Variants in HAGH observed in about 807,000 individuals in gnomAD.
The protein encoded by HAGH is hydroxyacylglutathione hydrolase, also known as hydroxyacylglutathione hydrolase, mitochondrial.
Under a neutral mutation model 35.1 loss-of-function variants are expected in HAGH, and 29 were observed. The observed-to-expected ratio is 0.83, with a 90% CI of 0.62 to 1.13. HAGH has a LOEUF of 1.13. Among genes scored for constraint, HAGH ranks in the 50% most tolerant of loss-of-function variants. The pLI is 0.00. For synonymous variants in HAGH, 225 were observed against 176.1 expected, an observed-to-expected ratio of 1.28 and a Z score of -2.20; for missense variants, 478 against 419.6, an observed-to-expected ratio of 1.14 and a Z score of -1.22.
intron 3 of HAGH, among the ~76,000 whole-genome samples, chr16:1,821,202 C>T (rs1368637849): frequency 6.6e-6 from 1 of 152,206 alleles, no homozygotes; most frequent in Non-Finnish European, 1.5e-5. Context: ...CCTGCACGGA[C>T]ACCTCTGATG....
chr16:1,819,492 G>A (rs57323288), intron 4 of HAGH, among the ~76,000 whole-genome samples: 14,016 of 152,236 alleles, frequency 0.092, 787 homozygotes, highest in African/African-American at 0.16. Flanking sequence ...CACGCTCGCC[G>A]TCTGGCTAGG....
intron 7 of HAGH, among the ~76,000 whole-genome samples, chr16:1,814,928 T>TACACAC (rs758950346): frequency 3.9e-4 from 11 of 28,080 alleles, no homozygotes; most frequent in Non-Finnish European, 5.9e-4. Context: ...TATATATGTA[T>TACACAC]ATACACACAC....
At chr16:1,822,277 C>T in intron 3 of HAGH, 23 bp downstream of exon 3, 1 of 1,553,092 alleles carries the variant, frequency 6.4e-7, no homozygotes, top group Non-Finnish European at 8.9e-7. Context: ...GTCCCACACC[C>T]CCAGGTGAGA....
At chr16:1,823,064 G>A (rs1468612462) in intron 1 of HAGH, 27 bp from the exon 2 acceptor site, 7 of 1,609,408 alleles carry the variant, frequency 4.3e-6, no homozygotes, top group Non-Finnish European at 5.9e-6. Context: ...CAACTCAGCG[G>A]GCAGCCGCGC....
intron 1 of HAGH, among the ~76,000 whole-genome samples, chr16:1,825,122 G>C (rs999883171): frequency 1.4e-5 from 2 of 138,092 alleles, no homozygotes; most frequent in African/African-American, 2.8e-5. Context: ...TTCGAGACCA[G>C]CCTGACCAAT....
intron 7 of HAGH, chr16:1,810,837 CG>C (rs1362062552): frequency 6.6e-6 from 1 of 152,196 alleles, no homozygotes; most frequent in Non-Finnish European, 1.5e-5. Context: ...CTGCACCAAG[CG>C]GGGGTCTGGT....
chr16:1,819,285 C>A, intron 4 of HAGH, 62 bp from the exon 5 acceptor site: 1 of 1,081,624 alleles, frequency 9.2e-7, no homozygotes, highest in South Asian at 1.4e-5. Flanking sequence ...CTCCCGGGGT[C>A]ACGGCGCGCC....
In HAGH at chr16:1,822,428, A is replaced by G. The variant is rs989072102; in HGVS notation, c.250-64T>C. 1.4e-5 allele frequency: 17 copies of G among 1,230,748 alleles called. No individual in the cohort carries two copies. In the African/African-American group the frequency reaches 2.5e-4, roughly 18 times the overall value. 76.2% of individuals were successfully genotyped at this position (1,230,748 alleles called of 1,614,324 possible). A position where few individuals can be genotyped will look rare whatever the true frequency, so the allele number is the denominator to read the frequency against. ...TCCTAGGCCTGGCTTGCTGGCCTAT[A>G]TGGTAGGGTGCCCAGCAGAACCCAG... On this transcript the variant is annotated intron_variant, in intron 2 of 8. Coordinates refer to ENST00000397356, the MANE Select transcript of HAGH (RefSeq NM_005326.6).
intron 7 of HAGH, 67 bp from the exon 8 acceptor site, chr16:1,809,900 A>C: frequency 1.8e-5 from 21 of 1,198,134 alleles, no homozygotes; most frequent in Non-Finnish European, 2.6e-5. Context: ...ACGGAGGCTC[A>C]CGTCTGTGAT....
In HAGH at chr16:1,820,028, A is replaced by G. The variant is rs768039195; in HGVS notation, c.315-14T>C. 1 of 1,556,122 alleles carries G rather than the reference A, an allele frequency of 6.4e-7. No individual in the cohort carries two copies. The highest frequency in any genetic ancestry group is 1.4e-5 in the African/African-American group (1 of 72,172). On this transcript the variant is annotated splice_polypyrimidine_tract_variant and intron_variant, in intron 3 of 8. Transcript: ENST00000397356. ...CCAGCATGGTCCCTAGAAGTCAAACAGGAGACCTGGGCTGCCTGCTGAGCT... is the reference window on the plus strand; with the variant it reads ...CCAGCATGGTCCCTAGAAGTCAAACGGGAGACCTGGGCTGCCTGCTGAGCT...
In HAGH at chr16:1,820,034, C is replaced by A. The variant is rs1898079730; in HGVS notation, c.315-20G>T. The A allele has an allele frequency of 6.8e-7, 1 of 1,476,916 alleles. No individual in the cohort carries two copies. The highest frequency in any genetic ancestry group is 9.4e-7 in the Non-Finnish European group (1 of 1,060,648). The allele number at this position is 1,476,916 out of a possible 1,614,324, so 91.5% of individuals were successfully genotyped here. ...TGGTCCCTAGAAGTCAAACAGGAGA[C>A]CTGGGCTGCCTGCTGAGCTGAGGGG... On this transcript the variant is annotated intron_variant, in intron 3 of 8. Transcript: ENST00000397356.
At chr16:1,827,175 G>A (rs1898482489), upstream of HAGH, 1 of 1,545,562 alleles carries the variant, frequency 6.5e-7, no homozygotes, top group Admixed American at 1.8e-5. Flanking sequence ...GTCCTCTCCG[G>A]GATGCCGTAG....
intron 3 of HAGH, chr16:1,822,030 A>G (rs34743458): frequency 0.078 from 32,705 of 420,362 alleles, 1,686 homozygotes; most frequent in African/African-American, 0.16. Flanking sequence ...CAGGGCACAA[A>G]CCCGCATGGC....
At chr16:1,816,250 T>C (rs184833218) in intron 7 of HAGH, among the ~76,000 whole-genome samples, 2 of 151,384 alleles carry the variant, frequency 1.3e-5, no homozygotes, top group Admixed American at 1.3e-4. Flanking sequence ...ATGATTCATC[T>C]GATTTAGAGT....
At chr16:1,826,546 G>GGCCCCGCGCC in intron 1 of HAGH, 166 bp downstream of exon 1, 1 of 714,586 alleles carries the variant, frequency 1.4e-6, no homozygotes, top group African/African-American at 1.9e-5. Flanking sequence ...CCCGCTCCGC[G>GGCCCCGCGCC]CCAGCCTCAG....
intron 6 of HAGH, 84 bp from the exon 7 acceptor site, chr16:1,817,078 G>T: frequency 1.5e-6 from 2 of 1,334,208 alleles, no homozygotes; most frequent in Non-Finnish European, 2.2e-6. Context: ...TGCCCCCGGG[G>T]GGTGTCCGGT....
chr16:1,810,388 C>A (rs945559070), intron 7 of HAGH: 1 of 153,184 alleles, frequency 6.5e-6, no homozygotes, highest in African/African-American at 2.4e-5. Context: ...ATGGAGGTAA[C>A]AGCAATGCAG....
chr16:1,822,792 A>T, intron 2 of HAGH, 73 bp downstream of exon 2: 1 of 1,304,456 alleles, frequency 7.7e-7, no homozygotes, highest in Non-Finnish European at 1.1e-6. Flanking sequence ...CACTGCGGTT[A>T]GGAAACCCAT....
chr16:1,825,463 TG>T (rs1273423385), intron 1 of HAGH, among the ~76,000 whole-genome samples: 1 of 152,222 alleles, frequency 6.6e-6, no homozygotes, highest in Non-Finnish European at 1.5e-5. Context: ...CAGCACTGCC[TG>T]GCAAATGTTC....
Sources: allele counts gnomAD v4.1 joint callset (sites outside exome capture counted in the v4.1 genomes callset), GRCh38; gene constraint gnomAD v4.1.1; transcripts MANE v1.5; gene names NCBI Gene and HGNC (gene_info 2026-07-23, HGNC 2026-07-21).